GPR176: variants seen among roughly 807,000 people sequenced by gnomAD.
GPR176 encodes the protein G protein-coupled receptor 176, also known as G-protein coupled receptor 176.
In GPR176, 26 loss-of-function variants were observed where a neutral mutation model predicts 35.4. That is an observed-to-expected ratio of 0.74 (90% CI 0.54 to 1.02). GPR176 has a LOEUF of 1.02. GPR176 is among the 50% of genes least tolerant of loss of function. GPR176 has a pLI of 0.00. For missense variants in GPR176, 597 were observed against 665.3 expected (o/e 0.90, Z 1.13); for synonymous variants, 278 against 271.3 (o/e 1.02, Z -0.24).
intron 1 of GPR176, among the ~76,000 whole-genome samples, chr15:39,838,253 T>G (rs1280703785): frequency 2.0e-5 from 3 of 152,146 alleles, no homozygotes; most frequent in Admixed American, 6.6e-5. Context: ...CCTTTTCCAC[T>G]TCATCTTCTG....
intron 1 of GPR176, among the ~76,000 whole-genome samples, chr15:39,917,588 G>A (rs141745779): frequency 0.18 from 26,533 of 151,554 alleles, 2,432 homozygotes; most frequent in Middle Eastern, 0.33. Flanking sequence ...TGCCCACCTC[G>A]GCCTCCCAAA....
chr15:39,915,503 G>A (rs1353508547), intron 1 of GPR176, among the ~76,000 whole-genome samples: 1 of 152,166 alleles, frequency 6.6e-6, no homozygotes, highest in African/African-American at 2.4e-5. Flanking sequence ...TAAAGGAAAG[G>A]GAATATAGCT....
chr15:39,807,681 T>C (rs920430222), intron 1 of GPR176: 51 of 693,478 alleles, frequency 7.4e-5, no homozygotes, highest in Non-Finnish European at 1.2e-4. Context: ...ATGGTAGCCA[T>C]GTTTTAAAAA....
chr15:39,843,074 CT>C (rs928749473), intron 1 of GPR176, among the ~76,000 whole-genome samples: 4 of 151,376 alleles, frequency 2.6e-5, no homozygotes, highest in Non-Finnish European at 4.4e-5. Flanking sequence ...GGGGAGCTTT[CT>C]TTTGTGCTTT....
intron 1 of GPR176, among the ~76,000 whole-genome samples, chr15:39,887,853 G>A (rs190003819): frequency 5.3e-5 from 8 of 152,296 alleles, no homozygotes; most frequent in Admixed American, 3.3e-4. Flanking sequence ...TTGGCATAAG[G>A]ATTATTTGGA....
At chr15:39,825,842 G>A (rs1177613367) in intron 1 of GPR176, among the ~76,000 whole-genome samples, 3 of 152,160 alleles carry the variant, frequency 2.0e-5, no homozygotes, top group Non-Finnish European at 4.4e-5. Flanking sequence ...CCTGTGCCCA[G>A]TACCCAGTGC....
intron 1 of GPR176, among the ~76,000 whole-genome samples, chr15:39,862,753 G>C (rs959269233): frequency 6.6e-6 from 1 of 152,136 alleles, no homozygotes; most frequent in African/African-American, 2.4e-5. Context: ...ATTATGCACA[G>C]TACATAATAC....
chr15:39,899,120 T>A (rs2140869100), intron 1 of GPR176, among the ~76,000 whole-genome samples: 1 of 152,256 alleles, frequency 6.6e-6, no homozygotes, highest in Non-Finnish European at 1.5e-5. Context: ...TTGCAGGAAA[T>A]GCAGAATCCT....
chr15:39,826,644 T>C (rs1900673300), intron 1 of GPR176, among the ~76,000 whole-genome samples: 1 of 152,214 alleles, frequency 6.6e-6, no homozygotes, highest in Admixed American at 6.5e-5. Flanking sequence ...CAAATGCCAT[T>C]TGCTTGAAAC....
chr15:39,899,076 C>T (rs34549786), intron 1 of GPR176, among the ~76,000 whole-genome samples: 6,562 of 152,218 alleles, frequency 0.043, 175 homozygotes, highest in Non-Finnish European at 0.065. Context: ...AAAATATAGC[C>T]TGTGGACCAG....
In GPR176 at chr15:39,893,708, G is replaced by A. The variant is rs1289431436; in HGVS notation, c.172+26147C>T. On this transcript the variant is annotated intron_variant, in intron 1 of 2. Transcript: ENST00000561100. ...GGCAGAGGCGCCCATCACCTCCCGG[G>A]CGGGGCGGCTGGCCGGGCGGGGGGC... 1.1e-3 allele frequency among the ~76,000 whole-genome samples: 155 copies of A among 145,562 alleles called. 2 individuals carry two copies. The highest frequency in any genetic ancestry group is 3.3e-3 in the African/African-American group (130 of 39,542).
intron 1 of GPR176, among the ~76,000 whole-genome samples, chr15:39,895,257 G>A (rs1230814106): frequency 2.3e-5 from 3 of 128,064 alleles, no homozygotes; most frequent in Non-Finnish European, 3.5e-5. Context: ...GGGAGACCAT[G>A]GGGAGAGGGA....
intron 1 of GPR176, among the ~76,000 whole-genome samples, chr15:39,871,555 G>C (rs1337750745): frequency 1.3e-5 from 2 of 152,146 alleles, no homozygotes; most frequent in East Asian, 3.8e-4. Context: ...AACAGAACTA[G>C]TACACAACAG....
At position 39,876,650 on chromosome 15, in the gene GPR176, A is replaced by G. The variant is rs555769664; in HGVS notation, c.172+43205T>C. Among the ~76,000 whole-genome samples the G allele has an allele frequency of 2.6e-5, 4 of 152,178 alleles. No individual in the cohort carries two copies. The East Asian group carries it at 5.8e-4, about 22-fold the overall frequency. On this transcript the variant is annotated intron_variant, in intron 1 of 2. Transcript: ENST00000561100. ...GCCTATTTTCTGGTAGTAAATTTTCACAGTGAGAACATGGCAAAACCCCCT... is the reference window on the plus strand; with the variant it reads ...GCCTATTTTCTGGTAGTAAATTTTCGCAGTGAGAACATGGCAAAACCCCCT...
At chr15:39,803,319 G>A (rs1157302094) in intron 2 of GPR176, among the ~76,000 whole-genome samples, 6 of 119,936 alleles carry the variant, frequency 5.0e-5, no homozygotes, top group South Asian at 2.8e-4. Flanking sequence ...TCACTCTGTC[G>A]CCCAGGCTGG....
At chr15:39,830,070 G>T (rs941128807) in intron 1 of GPR176, among the ~76,000 whole-genome samples, 1 of 151,900 alleles carries the variant, frequency 6.6e-6, no homozygotes, top group Non-Finnish European at 1.5e-5. Flanking sequence ...TGTGTATTCT[G>T]CATCATAAGA....
intron 1 of GPR176, among the ~76,000 whole-genome samples, chr15:39,809,529 TAAG>T (rs1238640489): frequency 8.5e-5 from 13 of 152,220 alleles, no homozygotes; most frequent in African/African-American, 3.1e-4. Context: ...ATTATATATT[TAAG>T]TAACAAAATT....
intron 1 of GPR176, among the ~76,000 whole-genome samples, chr15:39,897,692 C>T (rs1297548345): frequency 1.4e-5 from 2 of 144,976 alleles, no homozygotes; most frequent in East Asian, 2.0e-4. Context: ...CGGCTCACTG[C>T]AAGCTCTGCT....
At chr15:39,911,356 A>G (rs894422695) in intron 1 of GPR176, among the ~76,000 whole-genome samples, 1 of 152,248 alleles carries the variant, frequency 6.6e-6, no homozygotes, top group African/African-American at 2.4e-5. Flanking sequence ...CAGCATACCT[A>G]AACACTTGTG....
Sources: allele counts gnomAD v4.1 joint callset (sites outside exome capture counted in the v4.1 genomes callset), GRCh38; gene constraint gnomAD v4.1.1; transcripts MANE v1.5; gene names NCBI Gene and HGNC (gene_info 2026-07-23, HGNC 2026-07-21).